Variants in LMBR1 observed in about 807,000 individuals in gnomAD.
The protein encoded by LMBR1 is limb region 1 protein homolog.
Under a neutral mutation model 73.9 loss-of-function variants are expected in LMBR1, and 52 were observed. The observed-to-expected ratio is 0.70, with a 90% CI of 0.56 to 0.89. LMBR1 has a LOEUF of 0.89. Ranked by LOEUF, LMBR1 falls within the 40% of genes least tolerant of loss-of-function variation. The pLI, the probability that LMBR1 is intolerant of heterozygous loss-of-function variation, is 0.00. For synonymous variants in LMBR1, 215 were observed against 209.4 expected, an observed-to-expected ratio of 1.03 and a Z score of -0.23; for missense variants, 539 against 579.8, an observed-to-expected ratio of 0.93 and a Z score of 0.72.
intron 1 of LMBR1, among the ~76,000 whole-genome samples, chr7:156,852,533 T>C (rs1796373634): frequency 6.6e-6 from 1 of 152,210 alleles, no homozygotes; most frequent in Non-Finnish European, 1.5e-5. Context: ...CAAGTAATCC[T>C]TTAGAGATCT....
At chr7:156,705,477 T>G (rs568008492) in intron 15 of LMBR1, among the ~76,000 whole-genome samples, 1 of 152,176 alleles carries the variant, frequency 6.6e-6, no homozygotes, top group Non-Finnish European at 1.5e-5. Flanking sequence ...AAGGACTGTT[T>G]GAGCCTGGGA....
chr7:156,720,594 C>T lies in LMBR1; in HGVS notation c.1225+3518G>A, dbSNP rs150247572. Among the ~76,000 whole-genome samples the T allele has an allele frequency of 1.3e-3, 194 of 151,800 alleles. 2 individuals carry two copies. Among genetic ancestry groups the T allele is most frequent in the African/African-American group, 4.6e-3 (191 of 41,444 alleles). ...CTCAACTGTATATATAAGCTTATTG[C>T]TCAGATATAAGAACATTAGTAATCA... On this transcript the variant is annotated intron_variant, in intron 15 of 16. Coordinates refer to ENST00000353442, the MANE Select transcript of LMBR1 (RefSeq NM_022458.4).
intron 9 of LMBR1, among the ~76,000 whole-genome samples, chr7:156,749,405 C>T (rs1187062868): frequency 6.6e-6 from 1 of 152,158 alleles, no homozygotes; most frequent in African/African-American, 2.4e-5. Flanking sequence ...TCTAAAAAAG[C>T]AACCATAAAT....
chr7:156,849,110 T>C (rs1395590693), intron 1 of LMBR1, among the ~76,000 whole-genome samples: 1 of 151,982 alleles, frequency 6.6e-6, no homozygotes, highest in Admixed American at 6.6e-5. Flanking sequence ...TCAACCTAAA[T>C]GACCATCAAC....
intron 1 of LMBR1, among the ~76,000 whole-genome samples, chr7:156,886,355 G>A (rs1801902461): frequency 6.6e-6 from 1 of 152,208 alleles, no homozygotes; most frequent in Non-Finnish European, 1.5e-5. Flanking sequence ...TTCACAAAGT[G>A]GGGGAGGTCA....
chr7:156,871,509 A>T (rs1799284317), intron 1 of LMBR1, among the ~76,000 whole-genome samples: 1 of 152,234 alleles, frequency 6.6e-6, no homozygotes, highest in South Asian at 2.1e-4. Context: ...ACAACAGGAC[A>T]ATATCCCTGA....
intron 9 of LMBR1, among the ~76,000 whole-genome samples, chr7:156,743,053 T>C (rs943917262): frequency 2.6e-5 from 4 of 152,154 alleles, no homozygotes; most frequent in African/African-American, 9.6e-5. Context: ...CATCCCTTCA[T>C]GATACAAACC....
Position 156,729,260 on chromosome 7 carries a change from C to G in LMBR1, c.839-540G>C, listed in dbSNP as rs1816376401. On this transcript the variant is annotated intron_variant, in intron 10 of 16. Coordinates refer to ENST00000353442, the MANE Select transcript of LMBR1 (RefSeq NM_022458.4). ...AAGGAAATATATTGTTGATATACAG[C>G]TGACTCTGAAAATACAGACATACAG... Among the ~76,000 whole-genome samples, 3 of 152,090 alleles carry G rather than the reference C, an allele frequency of 2.0e-5. No homozygotes were observed. The South Asian group carries it at 6.2e-4, about 31-fold the overall frequency.
intron 1 of LMBR1, among the ~76,000 whole-genome samples, chr7:156,881,718 G>C (rs1248982769): frequency 6.6e-6 from 1 of 151,552 alleles, no homozygotes; most frequent in Non-Finnish European, 1.5e-5. Flanking sequence ...ACATGTATAT[G>C]AAAAAATGCT....
chr7:156,736,112 A>T (rs941681345), intron 9 of LMBR1, among the ~76,000 whole-genome samples: 1 of 152,184 alleles, frequency 6.6e-6, no homozygotes, highest in African/African-American at 2.4e-5. Context: ...AAAGTCTAGG[A>T]AGCAGACGTC....
chr7:156,864,064 G>C (rs1294306989), intron 1 of LMBR1, among the ~76,000 whole-genome samples: 2 of 152,150 alleles, frequency 1.3e-5, no homozygotes, highest in African/African-American at 4.8e-5. Flanking sequence ...TGAGGCATGA[G>C]AATCACTTGA....
chr7:156,734,964 A>G (rs1817573427), intron 9 of LMBR1, among the ~76,000 whole-genome samples: 1 of 152,198 alleles, frequency 6.6e-6, no homozygotes, highest in Non-Finnish European at 1.5e-5. Flanking sequence ...TTCCTAGTCA[A>G]TTATATGTCC....
At chr7:156,676,552 C>G (rs1031073767), downstream of LMBR1, 1 of 1,614,024 alleles carries the variant, frequency 6.2e-7, no homozygotes, top group Admixed American at 1.7e-5. Context: ...TTCCACCATG[C>G]GTGTCTGCTG....
intron 5 of LMBR1, among the ~76,000 whole-genome samples, chr7:156,785,721 T>A (rs1445631494): frequency 6.6e-6 from 1 of 152,144 alleles, no homozygotes. Flanking sequence ...ATCTGAATCT[T>A]CCCAGAGGTG....
intron 5 of LMBR1, among the ~76,000 whole-genome samples, chr7:156,771,863 A>G (rs1369967843): frequency 6.6e-6 from 1 of 152,252 alleles, no homozygotes; most frequent in Non-Finnish European, 1.5e-5. Flanking sequence ...CAAATCCAGC[A>G]GCACATCAAA....
chr7:156,892,671 G>T (rs1208158424), intron 1 of LMBR1: 24 of 327,736 alleles, frequency 7.3e-5, no homozygotes, highest in Non-Finnish European at 5.5e-6. Flanking sequence ...GAGGGAGCGC[G>T]AGGGGGCAGG....
At chr7:156,810,287 G>A (rs1832865918) in intron 4 of LMBR1, among the ~76,000 whole-genome samples, 2 of 152,072 alleles carry the variant, frequency 1.3e-5, no homozygotes, top group African/African-American at 4.8e-5. Context: ...TGAGAATAAA[G>A]AACTCACTCA....
At position 156,756,395 on chromosome 7, in the gene LMBR1, T is replaced by C; in HGVS notation, c.755A>G (p.Asn252Ser). The C allele has an allele frequency of 1.4e-6, 2 of 1,408,776 alleles. No individual in the cohort carries two copies. Among genetic ancestry groups the C allele is most frequent in the South Asian group, 1.2e-5 (1 of 83,750 alleles). The allele number at this position is 1,408,776 out of a possible 1,614,324, so 87.3% of individuals were successfully genotyped here. A position where few individuals can be genotyped will look rare whatever the true frequency, so the allele number is the denominator to read the frequency against. ...LEEEALQRRL[N>S]GLSSSVEYNI... is the part of the protein sequence containing the mutation. ...CTAAATATGTAATATAAACATACCATTTAGTCGTCTCTGGAGTGCTTCTTC... is the reference window on the plus strand; with the variant it reads ...CTAAATATGTAATATAAACATACCACTTAGTCGTCTCTGGAGTGCTTCTTC... The change falls in exon 9 of 17, where the codon AAT becomes AGT. Residue 252 changes from asparagine to serine, a missense_variant and splice_region_variant. Physicochemically the swap from Asn to Ser is conservative, Grantham distance 46 (BLOSUM62 1). Transcript: ENST00000353442.
intron 15 of LMBR1, among the ~76,000 whole-genome samples, chr7:156,699,930 AG>A (rs1383720215): frequency 6.6e-6 from 1 of 152,238 alleles, no homozygotes; most frequent in African/African-American, 2.4e-5. Context: ...GTGGAGAAAT[AG>A]GAACACTTTT....
Sources: gnomAD v4.1 joint callset for allele counts (sites outside exome capture counted in the v4.1 genomes callset) on GRCh38, gnomAD v4.1.1 for gene constraint, MANE v1.5 for transcripts, NCBI Gene and HGNC (gene_info 2026-07-23, HGNC 2026-07-21) for gene names.